Variants in SETD2 observed in about 807,000 individuals in gnomAD.
The protein encoded by SETD2 is SET domain containing 2, histone lysine methyltransferase, also known as histone-lysine N-methyltransferase SETD2.
Under a neutral mutation model 242.1 loss-of-function variants are expected in SETD2, and 31 were observed. The ratio of observed to expected loss-of-function variants is 0.13; its 90% confidence interval spans 0.10 to 0.17. SETD2 has a LOEUF of 0.17. Ranked by LOEUF, SETD2 falls within the 10% of genes least tolerant of loss-of-function variation. The pLI, the probability that SETD2 is intolerant of heterozygous loss-of-function variation, is 1.00. For synonymous variants in SETD2, 1,006 were observed against 1,066.5 expected (o/e 0.94, Z 1.11); for missense variants, 2,481 against 3,046.3 (o/e 0.81, Z 4.37).
chr3:47,060,614 T>C (rs757233267), intron 14 of SETD2, among the ~76,000 whole-genome samples: 1 of 151,994 alleles, frequency 6.6e-6, no homozygotes, highest in Non-Finnish European at 1.5e-5. Flanking sequence ...TTATAATATA[T>C]ACAAAAATTA....
At chr3:47,105,902 CCAAAA>C in intron 6 of SETD2, 90 bp downstream of exon 6, 2 of 1,049,580 alleles carry the variant, frequency 1.9e-6, no homozygotes, top group Non-Finnish European at 2.6e-6. Context: ...GACTCCGTCT[CCAAAA>C]AAAAAAAAAA....
Position 47,116,490 on chromosome 3 carries a change from T to C in SETD2, c.4586+133A>G. ...ATGTTTTCTACTATACATCAAAGTG[T>C]CTACTATACTTTTTTGCTTGTAGTC... On this transcript the variant is annotated intron_variant, in intron 4 of 20. Transcript: ENST00000409792. The C allele has an allele frequency of 2.7e-6, 2 of 753,074 alleles. 1 individual carries two copies. Among genetic ancestry groups the C allele is most frequent in the East Asian group, 5.2e-5 (2 of 38,136 alleles). 46.6% of individuals were successfully genotyped at this position (753,074 alleles called of 1,614,324 possible). A position where few individuals can be genotyped will look rare whatever the true frequency, so the allele number is the denominator to read the frequency against.
chr3:47,150,004 T>G (rs1371568013), intron 1 of SETD2, among the ~76,000 whole-genome samples: 1 of 151,480 alleles, frequency 6.6e-6, no homozygotes. Context: ...CATTTTTCAG[T>G]GTCTTTTGGC....
chr3:47,115,834 TG>T (rs1323502375), intron 4 of SETD2, among the ~76,000 whole-genome samples: 1 of 152,066 alleles, frequency 6.6e-6, no homozygotes, highest in African/African-American at 2.4e-5. Flanking sequence ...TTAGTAGAGA[TG>T]GGGTTTCACC....
chr3:47,073,663 G>C (rs953167300), intron 12 of SETD2, among the ~76,000 whole-genome samples: 1 of 152,158 alleles, frequency 6.6e-6, no homozygotes, highest in Admixed American at 6.5e-5. Flanking sequence ...AACAAGATCT[G>C]TGCAGTTTTC....
intron 5 of SETD2, among the ~76,000 whole-genome samples, chr3:47,106,831 A>G (rs1182923740): frequency 1.3e-5 from 2 of 151,824 alleles, no homozygotes; most frequent in African/African-American, 4.8e-5. Flanking sequence ...AAAAAAGGAA[A>G]AAGAAAAAGA....
intron 6 of SETD2, 43 bp downstream of exon 6, chr3:47,105,954 C>A (rs750232923): frequency 6.4e-7 from 1 of 1,557,602 alleles, no homozygotes; most frequent in Non-Finnish European, 8.8e-7. Flanking sequence ...CTCCTTCAAA[C>A]CTAACAGATC....
At chr3:47,141,433 CT>C (rs1411846401) in intron 1 of SETD2, among the ~76,000 whole-genome samples, 1 of 152,122 alleles carries the variant, frequency 6.6e-6, no homozygotes, top group African/African-American at 2.4e-5. Context: ...AAGTTACAGC[CT>C]TTCATGCAAA....
chr3:47,114,686 C>G (rs536484485), intron 4 of SETD2, among the ~76,000 whole-genome samples: 5 of 152,034 alleles, frequency 3.3e-5, no homozygotes, highest in African/African-American at 1.2e-4. Flanking sequence ...CAAGACCACC[C>G]TCGCCAACAT....
At chr3:47,082,723 G>A (rs146830642) in intron 12 of SETD2, among the ~76,000 whole-genome samples, 1 of 152,142 alleles carries the variant, frequency 6.6e-6, no homozygotes, top group African/African-American at 2.4e-5. Context: ...TTAAAGAAGG[G>A]TCTCAACACA....
intron 17 of SETD2, among the ~76,000 whole-genome samples, chr3:47,041,185 G>A (rs985695527): frequency 6.6e-6 from 1 of 152,136 alleles, no homozygotes; most frequent in African/African-American, 2.4e-5. Flanking sequence ...TGACCTGTGG[G>A]CCAAATGGTT....
chr3:47,072,816 G>A (rs770502149), intron 12 of SETD2, among the ~76,000 whole-genome samples: 4 of 151,786 alleles, frequency 2.6e-5, no homozygotes, highest in Admixed American at 6.6e-5. Flanking sequence ...GCGTGGTGGC[G>A]GGCATCTGTA....
At position 47,088,240 on chromosome 3, in the gene SETD2, C is replaced by T. The variant is rs2041647091; in HGVS notation, c.5150G>A (p.Gly1717Glu). 6.2e-7 allele frequency: 1 copy of T among 1,611,746 alleles called. No homozygotes were observed. The highest frequency in any genetic ancestry group is 8.5e-7 in the Non-Finnish European group (1 of 1,179,090). The change falls in exon 10 of 21, where the codon GGA (glycine) becomes GAA (glutamate). Residue 1717 changes from glycine to glutamate, a missense_variant. By Grantham distance (98) the Gly-to-Glu change is moderately conservative. Around this residue, in one of 17 missense-constraint regions of SETD2, gnomAD observed 62 missense variants for 136.7 expected, o/e 0.45. Transcript: ENST00000409792. ...ERSRKKDSVD[G>E]ELEALMENGE... is the part of the protein sequence containing the mutation. ...ATTTTCCATCAGAGCTTCTAGCTCT[C>T]CATCCACCTACCACAGCAAATAAAA...
At chr3:47,126,726 C>A in intron 1 of SETD2, 63 bp from the exon 2 acceptor site, 1 of 956,170 alleles carries the variant, frequency 1.0e-6, no homozygotes, top group Non-Finnish European at 1.6e-6. Context: ...TACTTAAAAA[C>A]GATTGAAATA....
rs2106666083 is a variant in SETD2, at chr3:47,121,990, A to G, written c.2646T>C (p.Ser882=). Residue 882 remains serine (S), a synonymous_variant, in exon 3 of 21, where the codon TCT becomes TCC. Coordinates refer to ENST00000409792, the MANE Select transcript of SETD2 (RefSeq NM_014159.7). ...QPIGSSGIAS[S]LQSLPPGIKV... ...TTATTCCTGGTGGAAGACTCTGAAG[A>G]GATGAAGCAATACCTGAACTCCCAA... 6.2e-7 allele frequency: 1 copy of G among 1,614,002 alleles called. No individual in the cohort carries two copies. Among genetic ancestry groups the G allele is most frequent in the Non-Finnish European group, 8.5e-7 (1 of 1,179,982 alleles).
At chr3:47,145,838 G>A (rs1323923548) in intron 1 of SETD2, among the ~76,000 whole-genome samples, 5 of 151,462 alleles carry the variant, frequency 3.3e-5, no homozygotes, top group African/African-American at 7.3e-5. Flanking sequence ...ACAACATAGC[G>A]AGGCTCTGTC....
rs2042428332 is a variant in SETD2 at position 47,106,498 on chromosome 3, A to ATT, written c.4716-379_4716-378insAA. Among the ~76,000 whole-genome samples the ATT allele has an allele frequency of 9.4e-5, 3 of 31,982 alleles. No homozygotes were observed. The Admixed American group carries it at 1.4e-3, about 15-fold the overall frequency. The allele number at this position is 31,982 out of a possible 152,430, so 21.0% of individuals were successfully genotyped here. A position where few individuals can be genotyped will look rare whatever the true frequency, so the allele number is the denominator to read the frequency against. ...AAGTTAGAGGATTTTTGCTCTAAAAAAAAAAAAAAAAAAAAAAAAAAAAAA... is the reference window on the plus strand; with the variant it reads ...AAGTTAGAGGATTTTTGCTCTAAAAATTAAAAAAAAAAAAAAAAAAAAAAAAA... On this transcript the variant is annotated intron_variant, in intron 5 of 20. Transcript: ENST00000409792.
At chr3:47,093,199 C>T (rs2041872834) in intron 9 of SETD2, among the ~76,000 whole-genome samples, 1 of 151,946 alleles carries the variant, frequency 6.6e-6, no homozygotes, top group African/African-American at 2.4e-5. Flanking sequence ...GCTTCTTTCA[C>T]TCAACCTTAC....
At chr3:47,118,102 TTTAAC>T (rs2042933887) in intron 3 of SETD2, among the ~76,000 whole-genome samples, 1 of 152,204 alleles carries the variant, frequency 6.6e-6, no homozygotes, top group African/African-American at 2.4e-5. Flanking sequence ...TTATGATAGT[TTTAAC>T]TAAGTTTAGG....
Sources: gnomAD v4.1 joint callset for allele counts (sites outside exome capture counted in the v4.1 genomes callset) on GRCh38, gnomAD v4.1.1 for gene constraint, gnomAD v4.1.1 regional missense constraint, MANE v1.5 for transcripts, NCBI Gene and HGNC (gene_info 2026-07-23, HGNC 2026-07-21) for gene names.